Variants in TLL2 observed in about 807,000 individuals in gnomAD.
TLL2 encodes the protein tolloid-like protein 2.
In TLL2, 106 loss-of-function variants were observed where a neutral mutation model predicts 123.0. That is an observed-to-expected ratio of 0.86 (90% CI 0.74 to 1.01). TLL2 has a LOEUF of 1.01. Ranked by LOEUF, TLL2 falls within the 50% of genes least tolerant of loss-of-function variation. TLL2 has a pLI of 0.00. For missense variants in TLL2, 1,332 were observed against 1,336.7 expected, an observed-to-expected ratio of 1.00 and a Z score of 0.06; for synonymous variants, 494 against 516.8, an observed-to-expected ratio of 0.96 and a Z score of 0.60.
intron 1 of TLL2, among the ~76,000 whole-genome samples, chr10:96,505,674 C>T (rs1291654728): frequency 6.6e-6 from 1 of 152,202 alleles, no homozygotes; most frequent in Non-Finnish European, 1.5e-5. Context: ...GCCTCTAGCA[C>T]CTGCTGCTTT....
At chr10:96,380,639 G>C (rs1211020145) in intron 16 of TLL2, among the ~76,000 whole-genome samples, 3 of 144,056 alleles carry the variant, frequency 2.1e-5, no homozygotes, top group Admixed American at 7.4e-5. Flanking sequence ...CTTGCAGTGA[G>C]CGGAGATTGC....
chr10:96,384,466 A>G (rs1589407543), intron 16 of TLL2, 121 bp downstream of exon 16: 3 of 1,062,636 alleles, frequency 2.8e-6, no homozygotes, highest in Non-Finnish European at 3.9e-6. Context: ...CAAGGCAGCC[A>G]TACCTGGAGG....
At chr10:96,463,479 C>T (rs1847100668) in intron 2 of TLL2, among the ~76,000 whole-genome samples, 1 of 152,206 alleles carries the variant, frequency 6.6e-6, no homozygotes, top group Non-Finnish European at 1.5e-5. Flanking sequence ...CTCAGGCAAA[C>T]CAGGGACTCC....
chr10:96,513,744 G>A lies in TLL2; in HGVS notation c.-59C>T, dbSNP rs758201789. On this transcript the variant is annotated 5_prime_UTR_variant, in exon 1 of 21. Transcript: ENST00000357947. ...GCGTGCACGAAAGCTCAGCTCGGCC[G>A]AAAGACGGCGCACACTGGGTCGGTC... 2.9e-5 allele frequency: 41 copies of A among 1,424,492 alleles called. No homozygotes were observed. The highest frequency in any genetic ancestry group is 3.8e-5 in the Non-Finnish European group (41 of 1,089,554). 88.2% of individuals were successfully genotyped at this position (1,424,492 alleles called of 1,614,324 possible). A position where few individuals can be genotyped will look rare whatever the true frequency, so the allele number is the denominator to read the frequency against.
intron 3 of TLL2, among the ~76,000 whole-genome samples, chr10:96,438,948 G>C (rs1846823719): frequency 6.6e-6 from 1 of 151,624 alleles, no homozygotes; most frequent in Non-Finnish European, 1.5e-5. Flanking sequence ...TGATTTAGCG[G>C]GTTCTATAGA....
At chr10:96,428,892 C>T (rs1846708031) in intron 4 of TLL2, 144 bp from the exon 5 acceptor site, 1 of 578,854 alleles carries the variant, frequency 1.7e-6, no homozygotes, top group South Asian at 2.2e-5. Flanking sequence ...GCAACTTCTG[C>T]CTCCTGGGTT....
chr10:96,397,193 C>A lies in TLL2; in HGVS notation c.1377G>T (p.Ala459=), dbSNP rs750004312. 1 of 1,613,132 alleles carries A rather than the reference C, an allele frequency of 6.2e-7. No individual in the cohort carries two copies. Among genetic ancestry groups the A allele is most frequent in the African/African-American group, 1.3e-5 (1 of 74,856 alleles). The part of the protein sequence containing the change: ...SNILGKGFFA[A]YEATCGGDMN... ...CTTTCACCTCGCACAAACCTTCGTA[C>A]GCTGCAAAGAAGCCCTTGCCCAAGA... Residue 459 remains alanine, a synonymous_variant, in exon 11 of 21, where the codon GCG becomes GCT. Coordinates refer to ENST00000357947, the MANE Select transcript of TLL2 (RefSeq NM_012465.4).
intron 1 of TLL2, among the ~76,000 whole-genome samples, chr10:96,481,020 A>G (rs1393186738): frequency 1.3e-5 from 2 of 152,234 alleles, no homozygotes; most frequent in Admixed American, 6.5e-5. Flanking sequence ...GATGGGGTTC[A>G]TCTGGGTTCA....
chr10:96,479,219 C>T (rs972626250), intron 2 of TLL2, among the ~76,000 whole-genome samples: 4 of 152,084 alleles, frequency 2.6e-5, no homozygotes, highest in Non-Finnish European at 5.9e-5. Context: ...AACAAGACAC[C>T]AAAAAGAAAT....
intron 2 of TLL2, among the ~76,000 whole-genome samples, chr10:96,479,246 G>C (rs928628577): frequency 6.6e-6 from 1 of 152,104 alleles, no homozygotes; most frequent in African/African-American, 2.4e-5. Context: ...GTACATAATT[G>C]CCCCACCTTC....
intron 2 of TLL2, among the ~76,000 whole-genome samples, chr10:96,455,569 C>T (rs981125264): frequency 6.6e-6 from 1 of 151,100 alleles, no homozygotes; most frequent in African/African-American, 2.5e-5. Context: ...CTACCAAAAC[C>T]AAGATGGCCA....
At chr10:96,413,662 C>G (rs994367382) in intron 7 of TLL2, among the ~76,000 whole-genome samples, 1 of 152,136 alleles carries the variant, frequency 6.6e-6, no homozygotes, top group Non-Finnish European at 1.5e-5. Context: ...GTGAATGGCG[C>G]CCCCTGCAGC....
At position 96,397,186 on chromosome 10, in the gene TLL2, C is replaced by T. The variant is rs756982173; in HGVS notation, c.1384G>A (p.Ala462Thr). The T allele has an allele frequency of 6.2e-7, 1 of 1,612,708 alleles. No homozygotes were observed. The highest frequency in any genetic ancestry group is 8.5e-7 in the Non-Finnish European group (1 of 1,179,238). ...LGKGFFAAYEATCGGDMNKDA... is the reference protein window; with the variant it reads ...LGKGFFAAYETTCGGDMNKDA... ...GCAGCTGCTTTCACCTCGCACAAAC[C>T]TTCGTACGCTGCAAAGAAGCCCTTG... The change falls in exon 11 of 21, where the codon GCT becomes ACT. Residue 462 changes from alanine to threonine, a missense_variant and splice_region_variant. Ala to Thr is a moderately conservative substitution (Grantham distance 58). Transcript: ENST00000357947.
Position 96,513,594 on chromosome 10 carries a change from T to A in TLL2, c.92A>T (p.Asp31Val). 5.0e-6 allele frequency: 8 copies of A among 1,605,644 alleles called. No homozygotes were observed. Among genetic ancestry groups the A allele is most frequent in the Non-Finnish European group, 6.8e-6 (8 of 1,178,916 alleles). Residue 31 changes from aspartate to valine, a missense_variant, in exon 1 of 21, where the codon GAC becomes GTC. By Grantham distance (152) the Asp-to-Val change is radical (BLOSUM62 -3). Transcript: ENST00000357947. Reference sequence around the variant, plus strand: ...CAGCTCTGAGTAGTCTGCGGTGGCGTCCGGGCGCTCCCCGAGTCCCCCGGC... The same window carrying A: ...CAGCTCTGAGTAGTCTGCGGTGGCGACCGGGCGCTCCCCGAGTCCCCCGGC... The part of the protein sequence containing the change: ...RGAGGLGERP[D>V]ATADYSELDG...
intron 1 of TLL2, among the ~76,000 whole-genome samples, chr10:96,512,255 CCCCAGCCTAGA>C (rs1416842524): frequency 1.3e-5 from 2 of 152,192 alleles, no homozygotes; most frequent in Non-Finnish European, 2.9e-5. Context: ...CCCTCCCAAC[CCCCAGCCTAGA>C]CCCGAGCCAC....
At chr10:96,425,413 G>A (rs1846670068) in intron 5 of TLL2, among the ~76,000 whole-genome samples, 1 of 151,868 alleles carries the variant, frequency 6.6e-6, no homozygotes, top group African/African-American at 2.4e-5. Flanking sequence ...GTTTAAATCA[G>A]AAAGGCATGA....
intron 5 of TLL2, 119 bp from the exon 6 acceptor site, chr10:96,422,846 G>T: frequency 7.9e-7 from 1 of 1,262,738 alleles, no homozygotes; most frequent in Non-Finnish European, 1.1e-6. Context: ...CAGAATTTCA[G>T]GCCGGGTGCA....
At chr10:96,510,432 C>T (rs1847617749) in intron 1 of TLL2, among the ~76,000 whole-genome samples, 4 of 152,214 alleles carry the variant, frequency 2.6e-5, no homozygotes, top group African/African-American at 9.7e-5. Context: ...TCCCTTTTTA[C>T]AGCATCAAAT....
At chr10:96,381,973 G>T (rs980110163) in intron 16 of TLL2, among the ~76,000 whole-genome samples, 1 of 152,174 alleles carries the variant, frequency 6.6e-6, no homozygotes, top group Admixed American at 6.5e-5. Context: ...CTTGTAAACA[G>T]TTCACCCTCT....
Sources: allele counts gnomAD v4.1 joint callset (sites outside exome capture counted in the v4.1 genomes callset), GRCh38; gene constraint gnomAD v4.1.1; transcripts MANE v1.5; gene names NCBI Gene and HGNC (gene_info 2026-07-23, HGNC 2026-07-21).